ERC2: variants seen among roughly 807,000 people sequenced by gnomAD.
ERC2 encodes ERC protein 2.
ERC2 carries 42 observed loss-of-function variants against 114.8 expected under a neutral mutation model. The observed-to-expected ratio is 0.37, with a 90% confidence interval of 0.29 to 0.47. The LOEUF (loss-of-function observed/expected upper bound fraction) is 0.47, where lower values mean the gene tolerates loss of function less well. Among genes scored for constraint, ERC2 ranks in the 20% least tolerant of loss-of-function variants. ERC2 has a pLI of 0.99. For missense variants in ERC2, 939 were observed against 1,150.7 expected (o/e 0.82, Z 2.66); for synonymous variants, 454 against 425.5 (o/e 1.07, Z -0.82).
At chr3:56,331,725 C>T (rs113269340) in intron 2 of ERC2, among the ~76,000 whole-genome samples, 161 of 152,270 alleles carry the variant, frequency 1.1e-3, no homozygotes, top group Non-Finnish European at 1.9e-3. Flanking sequence ...CGTGTGGCAT[C>T]GGCCACACTG....
At chr3:55,891,934 T>C (rs1162280009) in intron 13 of ERC2, among the ~76,000 whole-genome samples, 2 of 152,228 alleles carry the variant, frequency 1.3e-5, no homozygotes, top group African/African-American at 4.8e-5. Flanking sequence ...TCTCTGTCCC[T>C]TCTTTGAAAT....
chr3:55,600,195 A>G (rs1469004260), intron 17 of ERC2, among the ~76,000 whole-genome samples: 1 of 152,240 alleles, frequency 6.6e-6, no homozygotes, highest in Non-Finnish European at 1.5e-5. Context: ...TGAGAACCTG[A>G]GGATAATAGA....
At chr3:56,437,122 A>G (rs969182584) in intron 1 of ERC2, among the ~76,000 whole-genome samples, 6 of 152,236 alleles carry the variant, frequency 3.9e-5, no homozygotes, top group Non-Finnish European at 8.8e-5. Flanking sequence ...ACAAATGTGA[A>G]GTAAGCAGAC....
chr3:55,716,090 G>C (rs1308009724), intron 15 of ERC2, among the ~76,000 whole-genome samples: 3 of 152,146 alleles, frequency 2.0e-5, no homozygotes, highest in African/African-American at 7.2e-5. Flanking sequence ...GAAAATGCTG[G>C]TTCCAAGCTG....
At chr3:55,889,871 T>G (rs181012860) in intron 13 of ERC2, among the ~76,000 whole-genome samples, 1 of 152,332 alleles carries the variant, frequency 6.6e-6, no homozygotes, top group Non-Finnish European at 1.5e-5. Flanking sequence ...TTCTTCAGTT[T>G]TACATGAAAT....
intron 14 of ERC2, among the ~76,000 whole-genome samples, chr3:55,787,123 T>C (rs1301756155): frequency 6.6e-6 from 1 of 152,048 alleles, no homozygotes; most frequent in East Asian, 1.9e-4. Context: ...AGAATAAAAA[T>C]AGTATGTGTC....
chr3:56,330,107 C>A (rs1164396629), intron 2 of ERC2, among the ~76,000 whole-genome samples: 1 of 152,094 alleles, frequency 6.6e-6, no homozygotes, highest in Non-Finnish European at 1.5e-5. Flanking sequence ...GCTCTCAGCT[C>A]ACTGCAGCCT....
chr3:56,182,493 C>G (rs1481981861), intron 3 of ERC2, among the ~76,000 whole-genome samples: 2 of 152,228 alleles, frequency 1.3e-5, no homozygotes, highest in Non-Finnish European at 2.9e-5. Context: ...TTACACATTG[C>G]TATGCGCTAA....
intron 2 of ERC2, among the ~76,000 whole-genome samples, chr3:56,368,007 A>G (rs2059217545): frequency 6.6e-6 from 1 of 151,772 alleles, no homozygotes; most frequent in African/African-American, 2.4e-5. Flanking sequence ...GTCATACCCA[A>G]AACATTTCCA....
chr3:56,434,204 A>G, intron 2 of ERC2, 147 bp downstream of exon 2: 1 of 664,838 alleles, frequency 1.5e-6, no homozygotes, highest in Non-Finnish European at 2.5e-6. Flanking sequence ...ATGCTCTCTC[A>G]TAGTGTCTAA....
At chr3:56,459,816 C>G (rs1225926128) in intron 1 of ERC2, among the ~76,000 whole-genome samples, 1 of 152,244 alleles carries the variant, frequency 6.6e-6, no homozygotes, top group East Asian at 1.9e-4. Flanking sequence ...TGCACACGCA[C>G]TCTCTCTCTT....
chr3:56,415,148 C>G (rs1232007722), intron 2 of ERC2, among the ~76,000 whole-genome samples: 2 of 152,202 alleles, frequency 1.3e-5, no homozygotes, highest in East Asian at 3.9e-4. Flanking sequence ...ACCTAGGCAT[C>G]CTGGCCTCAT....
chr3:56,058,694 G>C (rs1210011738), intron 7 of ERC2, among the ~76,000 whole-genome samples: 2 of 152,152 alleles, frequency 1.3e-5, no homozygotes, highest in African/African-American at 4.8e-5. Flanking sequence ...ACTGCCTTCA[G>C]GCTTCATCTG....
intron 7 of ERC2, among the ~76,000 whole-genome samples, chr3:56,036,457 A>G (rs536901056): frequency 6.6e-6 from 1 of 152,218 alleles, no homozygotes; most frequent in Non-Finnish European, 1.5e-5. Flanking sequence ...CATGATCTTA[A>G]ATAGAGAAAA....
intron 15 of ERC2, among the ~76,000 whole-genome samples, chr3:55,729,962 C>A (rs986956028): frequency 2.0e-5 from 3 of 150,390 alleles, no homozygotes; most frequent in Admixed American, 6.7e-5. Context: ...AATGAATACT[C>A]GTTAAGTTGA....
chr3:55,573,483 T>A (rs1006061279), intron 17 of ERC2, among the ~76,000 whole-genome samples: 3 of 152,042 alleles, frequency 2.0e-5, no homozygotes, highest in African/African-American at 7.2e-5. Flanking sequence ...GGGGCCAGGA[T>A]AGTGGGGTCT....
intron 14 of ERC2, among the ~76,000 whole-genome samples, chr3:55,804,354 G>A (rs1575652532): frequency 2.0e-5 from 3 of 152,040 alleles, no homozygotes; most frequent in Admixed American, 2.0e-4. Context: ...TCCTCCTGGT[G>A]GTCTGCTTAG....
At chr3:55,958,271 A>G (rs1355729999) in intron 12 of ERC2, among the ~76,000 whole-genome samples, 2 of 152,222 alleles carry the variant, frequency 1.3e-5, no homozygotes, top group African/African-American at 4.8e-5. Context: ...GATCTGAAGC[A>G]GGTAGCTCCT....
chr3:55,913,954 G>A (rs1480455802), intron 13 of ERC2, among the ~76,000 whole-genome samples: 1 of 152,134 alleles, frequency 6.6e-6, no homozygotes. Context: ...TTAGATTGAA[G>A]CGGGACTTTC....
Sources: allele counts gnomAD v4.1 joint callset (sites outside exome capture counted in the v4.1 genomes callset), GRCh38; gene constraint gnomAD v4.1.1; transcripts MANE v1.5; gene names NCBI Gene and HGNC (gene_info 2026-07-23, HGNC 2026-07-21).